The following EYA2 variants were observed in gnomAD, a reference collection of about 807,000 sequenced individuals.
The protein encoded by EYA2 is protein phosphatase EYA2.
EYA2 carries 31 observed loss-of-function variants against 69.2 expected under a neutral mutation model. The ratio of observed to expected loss-of-function variants is 0.45; its 90% CI spans 0.34 to 0.60. The LOEUF is 0.60. EYA2 is among the 20% of genes least tolerant of loss of function. The probability of loss-of-function intolerance (pLI) is 0.02; values close to 1 mark genes in which losing one functional copy is unlikely to be tolerated. For missense variants in EYA2, 622 were observed against 701.2 expected, an observed-to-expected ratio of 0.89 and a Z score of 1.28; for synonymous variants, 257 against 279.4, an observed-to-expected ratio of 0.92 and a Z score of 0.80.
chr20:47,051,069 G>T (rs1461242956), intron 5 of EYA2, among the ~76,000 whole-genome samples: 3 of 152,252 alleles, frequency 2.0e-5, no homozygotes, highest in Non-Finnish European at 2.9e-5. Context: ...CTATAACATG[G>T]CTTTTTGGAC....
chr20:47,056,274 G>A (rs79517239), intron 5 of EYA2, among the ~76,000 whole-genome samples: 2,838 of 152,194 alleles, frequency 0.019, 95 homozygotes, highest in African/African-American at 0.064. Context: ...TGGACCAGGC[G>A]TCCTGTTGGT....
chr20:47,104,712 C>T (rs1358111209), intron 9 of EYA2, among the ~76,000 whole-genome samples: 20 of 152,108 alleles, frequency 1.3e-4, no homozygotes, highest in Non-Finnish European at 1.5e-5. Flanking sequence ...TGAATTGTCT[C>T]AACATCCTGT....
intron 1 of EYA2, among the ~76,000 whole-genome samples, chr20:46,988,206 C>CG (rs986616032): frequency 4.2e-5 from 1 of 23,566 alleles, no homozygotes; most frequent in Admixed American, 4.1e-4. Flanking sequence ...GTGTCCATGG[C>CG]GGGGGGCGGG....
At position 47,166,393 on chromosome 20, in the gene EYA2, TAAAAAAAAAAAAAAAAAAAAAA is replaced by T. The variant is rs370944686; in HGVS notation, c.979-2729_979-2708del. 0.026 allele frequency among the ~76,000 whole-genome samples: 900 copies of T among 34,530 alleles called. 59 individuals carry two copies. In the East Asian group the frequency reaches 0.28, roughly 11 times the overall value. The allele number at this position is 34,530 out of a possible 152,430, so 22.7% of individuals were successfully genotyped here. A position where few individuals can be genotyped will look rare whatever the true frequency, so the allele number is the denominator to read the frequency against. On this transcript the variant is annotated intron_variant, in intron 10 of 15. Coordinates refer to ENST00000327619, the MANE Select transcript of EYA2 (RefSeq NM_005244.5). ...GCTTGGGTGACAGAGCAAGACTGTC[TAAAAAAAAAAAAAAAAAAAAAA>T]AAAAAAAAAAAAAAAAGCTTTTTGC...
intron 1 of EYA2, among the ~76,000 whole-genome samples, chr20:46,936,717 G>A (rs1985924745): frequency 6.6e-6 from 1 of 152,096 alleles, no homozygotes; most frequent in Non-Finnish European, 1.5e-5. Flanking sequence ...AAGGAGGCTG[G>A]CTCCCCTCCC....
chr20:47,175,391 A>T (rs1306916494), intron 12 of EYA2, among the ~76,000 whole-genome samples: 1 of 152,110 alleles, frequency 6.6e-6, no homozygotes, highest in Non-Finnish European at 1.5e-5. Flanking sequence ...TCCATCTACC[A>T]CTTCCCATGT....
intron 10 of EYA2, among the ~76,000 whole-genome samples, chr20:47,150,820 C>G (rs577718091): frequency 6.6e-6 from 1 of 152,070 alleles, no homozygotes; most frequent in South Asian, 2.1e-4. Context: ...CACCACCCAG[C>G]GGTTGCAGTT....
At chr20:47,136,037 A>C (rs2033465939) in intron 9 of EYA2, among the ~76,000 whole-genome samples, 1 of 151,832 alleles carries the variant, frequency 6.6e-6, no homozygotes, top group Admixed American at 6.6e-5. Context: ...AAAGAAAGAA[A>C]CAGAAAACTT....
At chr20:46,999,130 C>A (rs12481102) in intron 2 of EYA2, among the ~76,000 whole-genome samples, 2 of 152,102 alleles carry the variant, frequency 1.3e-5, no homozygotes, top group South Asian at 2.1e-4. Flanking sequence ...CAAGTTAATT[C>A]GAGCCCATAG....
chr20:47,101,480 C>A (rs6018274), intron 9 of EYA2, among the ~76,000 whole-genome samples: 1 of 151,988 alleles, frequency 6.6e-6, no homozygotes, highest in South Asian at 2.1e-4. Context: ...GCCTCATCTA[C>A]CTGCAAGGGA....
chr20:47,169,265 G>A, intron 11 of EYA2, 68 bp downstream of exon 11: 2 of 1,499,636 alleles, frequency 1.3e-6, no homozygotes, highest in Non-Finnish European at 1.9e-6. Flanking sequence ...CCTTCTACTA[G>A]GAAGTGGGGT....
intron 1 of EYA2, among the ~76,000 whole-genome samples, chr20:46,984,176 C>T (rs748692747): frequency 3.3e-5 from 5 of 151,924 alleles, no homozygotes; most frequent in Admixed American, 2.0e-4. Flanking sequence ...AACATGTAGA[C>T]AAATTTTAAA....
At chr20:47,071,683 A>G (rs982888979) in intron 5 of EYA2, among the ~76,000 whole-genome samples, 37 of 152,254 alleles carry the variant, frequency 2.4e-4, no homozygotes, top group African/African-American at 8.4e-4. Flanking sequence ...TGAAAAGGAC[A>G]CCGTTTATTT....
chr20:46,954,815 C>A (rs555817059), intron 1 of EYA2, among the ~76,000 whole-genome samples: 1 of 152,006 alleles, frequency 6.6e-6, no homozygotes, highest in South Asian at 2.1e-4. Context: ...ACAGTCAGTT[C>A]TTACTACGAG....
intron 5 of EYA2, among the ~76,000 whole-genome samples, chr20:47,068,383 G>C (rs555472773): frequency 6.6e-6 from 1 of 152,350 alleles, no homozygotes; most frequent in African/African-American, 2.4e-5. Context: ...GGCCTTCTCT[G>C]CTGCCAAGAC....
At chr20:47,109,584 T>C (rs1458023249) in intron 9 of EYA2, among the ~76,000 whole-genome samples, 1 of 152,184 alleles carries the variant, frequency 6.6e-6, no homozygotes, top group Non-Finnish European at 1.5e-5. Context: ...GGTCTCGTCA[T>C]GTTGCCCACG....
At chr20:46,986,347 A>G (rs1439978768) in intron 1 of EYA2, among the ~76,000 whole-genome samples, 3 of 58,624 alleles carry the variant, frequency 5.1e-5, no homozygotes, top group African/African-American at 9.4e-5. Context: ...TAATGTATAT[A>G]TATACACATT....
chr20:47,088,644 G>T (rs538645169), intron 7 of EYA2, among the ~76,000 whole-genome samples: 4 of 152,260 alleles, frequency 2.6e-5, no homozygotes, highest in Non-Finnish European at 5.9e-5. Flanking sequence ...TTGGAGTGCA[G>T]TGGCGCTATC....
intron 6 of EYA2, among the ~76,000 whole-genome samples, chr20:47,073,281 C>T (rs2031383033): frequency 6.6e-6 from 1 of 152,082 alleles, no homozygotes. Context: ...GAATTGGGAT[C>T]GCTGGTCTGC....
Sources: allele counts gnomAD v4.1 joint callset (sites outside exome capture counted in the v4.1 genomes callset), GRCh38; gene constraint gnomAD v4.1.1; transcripts MANE v1.5; gene names NCBI Gene and HGNC (gene_info 2026-07-23, HGNC 2026-07-21).